Variants in APP observed in about 807,000 individuals in gnomAD.
APP encodes the protein amyloid beta precursor protein.
APP carries 31 observed loss-of-function variants against 101.4 expected under a neutral mutation model. That is an observed-to-expected ratio of 0.31 (90% CI 0.23 to 0.41). APP has a LOEUF of 0.41. Ranked by LOEUF, APP falls within the 10% of genes least tolerant of loss-of-function variation. APP has a pLI of 1.00. For missense variants in APP, 839 were observed against 1,003.7 expected (o/e 0.84, Z 2.22); for synonymous variants, 366 against 364.4 (o/e 1.00, Z -0.05).
At chr21:26,063,338 C>T (rs1225580765) in intron 3 of APP, among the ~76,000 whole-genome samples, 1 of 152,168 alleles carries the variant, frequency 6.6e-6, no homozygotes, top group Non-Finnish European at 1.5e-5. Context: ...CATTGCCTTG[C>T]TCTATCAACT....
chr21:26,108,683 C>T (rs3787649), intron 2 of APP, among the ~76,000 whole-genome samples: 5,973 of 152,166 alleles, frequency 0.039, 242 homozygotes, highest in Admixed American at 0.12. Context: ...GTCAGGAGTT[C>T]GAGACCAGCC....
intron 15 of APP, among the ~76,000 whole-genome samples, chr21:25,899,267 A>G (rs17001475): frequency 6.6e-6 from 1 of 152,306 alleles, no homozygotes; most frequent in South Asian, 2.1e-4. Context: ...GGTCTGGGTC[A>G]TAAGAACTTG....
chr21:26,029,112 C>T (rs1250370451), intron 5 of APP, among the ~76,000 whole-genome samples: 2 of 152,026 alleles, frequency 1.3e-5, no homozygotes, highest in Non-Finnish European at 2.9e-5. Context: ...GGCCAGTGAG[C>T]TTAGGGAGTA....
chr21:25,971,406 G>A (rs2042028522), intron 11 of APP, among the ~76,000 whole-genome samples: 1 of 152,196 alleles, frequency 6.6e-6, no homozygotes, highest in Middle Eastern at 3.2e-3. Flanking sequence ...CTGAAAAGGG[G>A]AAACAAATGA....
chr21:26,126,582 G>A (rs1217343749), intron 1 of APP, among the ~76,000 whole-genome samples: 4 of 151,966 alleles, frequency 2.6e-5, no homozygotes, highest in Non-Finnish European at 5.9e-5. Context: ...CTAGGTAGAG[G>A]TTCAAAGTTC....
At chr21:26,078,625 T>C (rs1009895717) in intron 3 of APP, among the ~76,000 whole-genome samples, 2 of 152,208 alleles carry the variant, frequency 1.3e-5, no homozygotes, top group African/African-American at 4.8e-5. Flanking sequence ...TTCATCTGGC[T>C]ACAATTATCC....
At chr21:25,933,065 T>C (rs2040215271) in intron 13 of APP, among the ~76,000 whole-genome samples, 1 of 152,196 alleles carries the variant, frequency 6.6e-6, no homozygotes, top group Admixed American at 6.5e-5. Flanking sequence ...AAAGATCAAA[T>C]CAGTATAATG....
intron 6 of APP, among the ~76,000 whole-genome samples, chr21:26,005,928 T>C: frequency 6.6e-6 from 1 of 152,288 alleles, no homozygotes; most frequent in East Asian, 1.9e-4. Flanking sequence ...TCAAAATGTA[T>C]ACTATATGTA....
intron 16 of APP, among the ~76,000 whole-genome samples, chr21:25,894,891 G>C (rs2037930089): frequency 6.6e-6 from 1 of 152,186 alleles, no homozygotes; most frequent in Non-Finnish European, 1.5e-5. Flanking sequence ...GTGAAAGGAA[G>C]AGTCAATCGA....
At chr21:25,902,443 G>C (rs943298614) in intron 15 of APP, among the ~76,000 whole-genome samples, 3 of 146,328 alleles carry the variant, frequency 2.1e-5, no homozygotes, top group South Asian at 2.2e-4. Context: ...CTTAATACAT[G>C]TGCAGTAAAT....
intron 1 of APP, among the ~76,000 whole-genome samples, chr21:26,165,898 T>G (rs1477279670): frequency 6.6e-6 from 1 of 152,222 alleles, no homozygotes; most frequent in Non-Finnish European, 1.5e-5. Context: ...TATTAATTGA[T>G]GCACATATCC....
chr21:26,039,252 G>C (rs1453998701), intron 5 of APP, among the ~76,000 whole-genome samples: 7 of 152,116 alleles, frequency 4.6e-5, no homozygotes, highest in African/African-American at 1.7e-4. Flanking sequence ...TACTAGCATT[G>C]AAAGAACTGA....
intron 13 of APP, among the ~76,000 whole-genome samples, chr21:25,925,560 C>T (rs1024000717): frequency 2.0e-5 from 3 of 152,152 alleles, no homozygotes; most frequent in Non-Finnish European, 2.9e-5. Flanking sequence ...GAAGACCTAC[C>T]CTCCACCACA....
At chr21:26,054,132 G>C (rs2045944541) in intron 3 of APP, among the ~76,000 whole-genome samples, 1 of 152,172 alleles carries the variant, frequency 6.6e-6, no homozygotes, top group African/African-American at 2.4e-5. Context: ...ATAAATATCT[G>C]TTAATGAATG....
intron 2 of APP, among the ~76,000 whole-genome samples, chr21:26,101,645 A>T (rs1346383808): frequency 6.6e-6 from 1 of 152,072 alleles, no homozygotes. Context: ...GGACAGGATG[A>T]TCTCCCACAA....
chr21:26,155,703 A>G (rs2063360802), intron 1 of APP, among the ~76,000 whole-genome samples: 1 of 152,148 alleles, frequency 6.6e-6, no homozygotes, highest in Non-Finnish European at 1.5e-5. Context: ...GTCTAAAAAT[A>G]ATTGATATCT....
chr21:25,962,778 T>C (rs888492632), intron 11 of APP, among the ~76,000 whole-genome samples: 3 of 152,194 alleles, frequency 2.0e-5, no homozygotes, highest in Non-Finnish European at 4.4e-5. Context: ...GTAGGTAATA[T>C]TGAAGAAAAT....
At chr21:26,013,237 A>G (rs2043897334) in intron 6 of APP, among the ~76,000 whole-genome samples, 1 of 152,114 alleles carries the variant, frequency 6.6e-6, no homozygotes, top group South Asian at 2.1e-4. Context: ...GACTCACTTG[A>G]ACCCGGGAGG....
At chr21:25,986,825 G>C (rs1255659852) in intron 8 of APP, among the ~76,000 whole-genome samples, 2 of 152,202 alleles carry the variant, frequency 1.3e-5, no homozygotes, top group Non-Finnish European at 2.9e-5. Context: ...CTTTTCATCA[G>C]AGCCCACCAT....
Sources: allele counts gnomAD v4.1 joint callset (sites outside exome capture counted in the v4.1 genomes callset), GRCh38; gene constraint gnomAD v4.1.1; transcripts MANE v1.5; gene names NCBI Gene and HGNC (gene_info 2026-07-23, HGNC 2026-07-21).